The following HDGFL3 variants were observed in gnomAD, a reference collection of about 807,000 sequenced individuals.
HDGFL3 encodes HDGF like 3, also known as hepatoma-derived growth factor-related protein 3.
In HDGFL3, 6 loss-of-function variants were observed where a neutral mutation model predicts 27.6. That is an observed-to-expected ratio of 0.22 (90% CI 0.12 to 0.43). The LOEUF (loss-of-function observed/expected upper bound fraction) is 0.43, where lower values mean the gene tolerates loss of function less well. Ranked by LOEUF, HDGFL3 falls within the 20% of genes least tolerant of loss-of-function variation. The probability of loss-of-function intolerance (pLI) is 1.00; values close to 1 mark genes in which losing one functional copy is unlikely to be tolerated. For synonymous variants in HDGFL3, 88 were observed against 88.9 expected (o/e 0.99, Z 0.05); for missense variants, 207 against 250.1 (o/e 0.83, Z 1.16).
At chr15:83,154,117 C>A (rs2036997400) in intron 4 of HDGFL3, among the ~76,000 whole-genome samples, 1 of 150,990 alleles carries the variant, frequency 6.6e-6, no homozygotes, top group Non-Finnish European at 1.5e-5. Context: ...GAGTTTGAGA[C>A]CAGCCTGGGC....
chr15:83,207,240 G>C lies in HDGFL3; in HGVS notation c.84+91C>G, dbSNP rs536768396. The C allele has an allele frequency of 2.8e-4, 257 of 905,488 alleles. No individual in the cohort carries two copies. Among genetic ancestry groups the C allele is most frequent in the South Asian group, 9.3e-4 (24 of 25,884 alleles). 56.1% of individuals were successfully genotyped at this position (905,488 alleles called of 1,614,324 possible). Reference sequence around the variant, plus strand: ...ACAGCCGGCCGCGAGCTGCGGGCTCGGGGCTGAGGCGATGGGGAAAGGGGG... The same window carrying C: ...ACAGCCGGCCGCGAGCTGCGGGCTCCGGGCTGAGGCGATGGGGAAAGGGGG... On this transcript the variant is annotated intron_variant, in intron 1 of 5. Coordinates refer to ENST00000299633, the MANE Select transcript of HDGFL3 (RefSeq NM_016073.4). The surrounding 1 kb of genome is among the most constrained non-coding windows in gnomAD (Gnocchi z 4.8).
At chr15:83,198,468 G>A (rs1218613359) in intron 1 of HDGFL3, among the ~76,000 whole-genome samples, 1 of 152,128 alleles carries the variant, frequency 6.6e-6, no homozygotes, top group Non-Finnish European at 1.5e-5. Context: ...ATATCAGAAT[G>A]TATCACATAT....
At chr15:83,183,336 A>C (rs142476423) in intron 1 of HDGFL3, among the ~76,000 whole-genome samples, 10 of 152,352 alleles carry the variant, frequency 6.6e-5, no homozygotes, top group African/African-American at 2.4e-4. Context: ...ATTCAAAAAA[A>C]CAAAAATCGT....
Position 83,135,740 on chromosome 15 carries a change from G to A in HDGFL3, c.*3530C>T, listed in dbSNP as rs1269034155. On this transcript the variant is annotated 3_prime_UTR_variant, in exon 6 of 6. Coordinates refer to ENST00000299633, the MANE Select transcript of HDGFL3 (RefSeq NM_016073.4). ...TTGCAAATGCGGATAATGCTGACAT[G>A]TCGTACTTCTAAATAAATTATAATT... The A allele has an allele frequency of 2.0e-5, 3 of 152,194 alleles. No homozygotes were observed. The highest frequency in any genetic ancestry group is 4.8e-5 in the African/African-American group (2 of 41,434). 9.4% of individuals were successfully genotyped at this position (152,194 alleles called of 1,614,324 possible). A position where few individuals can be genotyped will look rare whatever the true frequency, so the allele number is the denominator to read the frequency against.
intron 1 of HDGFL3, among the ~76,000 whole-genome samples, chr15:83,206,725 A>C (rs1440895318): frequency 6.6e-6 from 1 of 152,246 alleles, no homozygotes; most frequent in Admixed American, 6.5e-5. Flanking sequence ...TAAAAGAACG[A>C]TGGGCACCAG....
intron 1 of HDGFL3, among the ~76,000 whole-genome samples, chr15:83,185,356 G>A (rs1282114741): frequency 6.6e-6 from 1 of 152,208 alleles, no homozygotes; most frequent in Non-Finnish European, 1.5e-5. Flanking sequence ...GAGCCTAGAA[G>A]TCATAGAATG....
chr15:83,124,720 T>G, downstream of HDGFL3: 1 of 1,614,160 alleles, frequency 6.2e-7, no homozygotes. Flanking sequence ...ACCATTTGAT[T>G]TAATGTTGGT....
chr15:83,163,665 T>C, intron 2 of HDGFL3: 1 of 214,428 alleles, frequency 4.7e-6, no homozygotes, highest in Non-Finnish European at 9.3e-6. Flanking sequence ...AAAACTTCTC[T>C]GGAAGGGAAA....
At chr15:83,161,350 G>A (rs2037099033) in intron 2 of HDGFL3, among the ~76,000 whole-genome samples, 2 of 151,988 alleles carry the variant, frequency 1.3e-5, no homozygotes, top group African/African-American at 2.4e-5. Flanking sequence ...TTGTAGAGAC[G>A]GGATCTCACT....
chr15:83,202,019 T>C (rs976406190), intron 1 of HDGFL3, among the ~76,000 whole-genome samples: 1 of 152,172 alleles, frequency 6.6e-6, no homozygotes. Context: ...CAAATGATTC[T>C]CTGAAAATAA....
chr15:83,183,999 A>G (rs965509161), intron 1 of HDGFL3, among the ~76,000 whole-genome samples: 3 of 152,198 alleles, frequency 2.0e-5, no homozygotes, highest in African/African-American at 7.2e-5. Context: ...CTTTACTCAG[A>G]TCTTCCAAGC....
chr15:83,139,175 C>CTATG lies in HDGFL3; in HGVS notation c.*91_*94dup. 1.4e-6 allele frequency: 1 copy of CTATG among 735,882 alleles called. No homozygotes were observed. Among genetic ancestry groups the CTATG allele is most frequent in the Non-Finnish European group, 2.0e-6 (1 of 492,116 alleles). 45.6% of individuals were successfully genotyped at this position (735,882 alleles called of 1,614,324 possible). On this transcript the variant is annotated 3_prime_UTR_variant, in exon 6 of 6. Coordinates refer to ENST00000299633, the MANE Select transcript of HDGFL3 (RefSeq NM_016073.4). ...GGGGTTCTGTCAATGACAACAAGGACTATGTGTTGGTTCATATCAAATCCA... is the reference window on the plus strand; with the variant it reads ...GGGGTTCTGTCAATGACAACAAGGACTATGTATGTGTTGGTTCATATCAAATCCA...
At chr15:83,185,590 A>G (rs1227209149) in intron 1 of HDGFL3, among the ~76,000 whole-genome samples, 2 of 152,200 alleles carry the variant, frequency 1.3e-5, no homozygotes, top group Admixed American at 6.5e-5. Context: ...AGCAGAAAAA[A>G]GCTGAAAATA....
intron 2 of HDGFL3, among the ~76,000 whole-genome samples, chr15:83,160,191 G>GTT (rs776088047): frequency 8.4e-5 from 12 of 143,630 alleles, no homozygotes; most frequent in Non-Finnish European, 1.1e-4. Context: ...TATCTCTAAG[G>GTT]TTTTTTTTTT....
intron 1 of HDGFL3, among the ~76,000 whole-genome samples, chr15:83,167,365 G>A (rs2037184735): frequency 6.6e-6 from 1 of 152,162 alleles, no homozygotes; most frequent in South Asian, 2.1e-4. Context: ...AAGCCAGCCT[G>A]GCCAAGATGG....
chr15:83,195,027 T>C (rs1390956261), intron 1 of HDGFL3, among the ~76,000 whole-genome samples: 2 of 152,176 alleles, frequency 1.3e-5, no homozygotes, highest in Non-Finnish European at 2.9e-5. Flanking sequence ...TATAGTTGTA[T>C]TACAAATAAT....
chr15:83,128,610 C>T lies in HDGFL3; in HGVS notation c.*10660G>A, dbSNP rs1010840836. On this transcript the variant is annotated 3_prime_UTR_variant, in exon 6 of 6. Transcript: ENST00000299633. The stretch of plus-strand genomic sequence containing the variant: ...TTTCTACCTTCGGCCCACACCGTTC[C>T]CAGACTCCTGTATTTCATTCCAAAC... 6.6e-6 allele frequency: 1 copy of T among 152,158 alleles called. No homozygotes were observed. The highest frequency in any genetic ancestry group is 1.5e-5 in the Non-Finnish European group (1 of 68,040). 9.4% of individuals were successfully genotyped at this position (152,158 alleles called of 1,614,324 possible).
intron 1 of HDGFL3, among the ~76,000 whole-genome samples, chr15:83,200,301 C>T (rs2151422814): frequency 6.6e-6 from 1 of 151,600 alleles, no homozygotes; most frequent in East Asian, 1.9e-4. Context: ...CGCCACTGCA[C>T]TCCAGCCTTC....
Position 83,194,074 on chromosome 15 carries a change from C to A in HDGFL3, c.84+13257G>T, listed in dbSNP as rs185147223. Among the ~76,000 whole-genome samples the A allele has an allele frequency of 2.1e-3, 321 of 152,308 alleles. 1 individual carries two copies. The highest frequency in any genetic ancestry group is 5.0e-3 in the Admixed American group (77 of 15,308). ...AAGGAATTCAACTTCTGGCTACCTA[C>A]TCCAAAGAACAGAATGTAGGGTCTT... On this transcript the variant is annotated intron_variant, in intron 1 of 5. Transcript: ENST00000299633.
Sources: gnomAD v4.1 joint callset for allele counts (sites outside exome capture counted in the v4.1 genomes callset) on GRCh38, gnomAD v4.1.1 for gene constraint, Gnocchi (gnomAD v3.1) non-coding constraint, MANE v1.5 for transcripts, NCBI Gene and HGNC (gene_info 2026-07-23, HGNC 2026-07-21) for gene names.